The following API5 variants were observed in gnomAD, a reference collection of about 807,000 sequenced individuals.
The protein encoded by API5 is apoptosis inhibitor 5.
Under a neutral mutation model 71.9 loss-of-function variants are expected in API5, and 6 were observed. The observed-to-expected ratio is 0.08, with a 90% CI of 0.05 to 0.16. API5 has a LOEUF of 0.16. API5 is among the 10% of genes least tolerant of loss of function. The pLI is 1.00. For synonymous variants in API5, 189 were observed against 221.3 expected (o/e 0.85, Z 1.30); for missense variants, 332 against 612.8 (o/e 0.54, Z 4.84).
chr11:43,332,911 CTT>C (rs2134373144), intron 11 of API5, among the ~76,000 whole-genome samples: 1 of 152,258 alleles, frequency 6.6e-6, no homozygotes, highest in African/African-American at 2.4e-5. Flanking sequence ...TATCTAGAGA[CTT>C]TCCAAAAATC....
chr11:43,328,534 A>G (rs1487397781), intron 8 of API5, among the ~76,000 whole-genome samples, 178 bp from the exon 9 acceptor site: 2 of 152,234 alleles, frequency 1.3e-5, no homozygotes, highest in Non-Finnish European at 2.9e-5. Context: ...ACAGGTTAAT[A>G]TGGAGCGTTG....
In API5 at chr11:43,321,538, T is replaced by TA. The variant is rs1854890463; in HGVS notation, c.391+63dup. Reference sequence around the variant, plus strand: ...CTTACAGAATCACAAAGTTAGGTGTTACTCATTAAGAATAAACTCTAGGGT... The same window carrying TA: ...CTTACAGAATCACAAAGTTAGGTGTTAACTCATTAAGAATAAACTCTAGGGT... On this transcript the variant is annotated intron_variant, in intron 4 of 13. Coordinates refer to ENST00000531273, the MANE Select transcript of API5 (RefSeq NM_001142930.2). 4.6e-6 allele frequency: 6 copies of TA among 1,317,600 alleles called. No homozygotes were observed. The Admixed American group carries it at 9.9e-5, about 22-fold the overall frequency. 81.6% of individuals were successfully genotyped at this position (1,317,600 alleles called of 1,614,324 possible).
chr11:43,331,069 G>A (rs1855236012), intron 11 of API5, among the ~76,000 whole-genome samples: 1 of 152,166 alleles, frequency 6.6e-6, no homozygotes, highest in Non-Finnish European at 1.5e-5. Context: ...TAATTGTATT[G>A]TGCCAGATGG....
chr11:43,315,109 C>T (rs1854624597), intron 1 of API5, among the ~76,000 whole-genome samples: 1 of 152,134 alleles, frequency 6.6e-6, no homozygotes, highest in Admixed American at 6.5e-5. Flanking sequence ...TCAACCTTTA[C>T]CAGAGAGGTG....
At chr11:43,324,834 C>A (rs1855014714) in intron 6 of API5, among the ~76,000 whole-genome samples, 1 of 152,012 alleles carries the variant, frequency 6.6e-6, no homozygotes, top group African/African-American at 2.4e-5. Flanking sequence ...AGCACCACCA[C>A]ACCCAGCTGA....
intron 13 of API5, among the ~76,000 whole-genome samples, chr11:43,337,664 C>T (rs531095126): frequency 6.6e-6 from 1 of 152,128 alleles, no homozygotes; most frequent in South Asian, 2.1e-4. Context: ...AAGGATTCTC[C>T]GTTACTTGGT....
rs746443788 is a variant in API5 at position 43,327,870 on chromosome 11, A to G, written c.937A>G (p.Lys313Glu). 6.2e-7 allele frequency: 1 copy of G among 1,609,556 alleles called. No homozygotes were observed. The highest frequency in any genetic ancestry group is 1.7e-5 in the Admixed American group (1 of 59,832). The change falls in exon 8 of 14, where the codon AAG (lysine) becomes GAG (glutamate). Residue 313 changes from lysine to glutamate, a missense_variant. Around this residue, in one of 3 missense-constraint regions of API5, gnomAD observed 168 missense variants for 343.9 expected, o/e 0.49. Coordinates refer to ENST00000531273, the MANE Select transcript of API5 (RefSeq NM_001142930.2). ...LETNLRKLFDKLLEYMPLPPE... is the reference protein window; with the variant it reads ...LETNLRKLFDELLEYMPLPPE... ...AACAAATTTAAGGAAACTATTTGATAAGTTATTGGTAAGAACTTTTTCCTT... is the reference window on the plus strand; with the variant it reads ...AACAAATTTAAGGAAACTATTTGATGAGTTATTGGTAAGAACTTTTTCCTT...
At position 43,312,093 on chromosome 11, in the gene API5, G is replaced by A. The variant is rs750428791; in HGVS notation, c.-35G>A. 6.2e-7 allele frequency: 1 copy of A among 1,612,092 alleles called. No homozygotes were observed. ...CGGCGGTGGCGCCGGTCAGGACAAG[G>A]ATAGCGGAACCGGGCCCTGGGCTTG... On this transcript the variant is annotated 5_prime_UTR_variant, in exon 1 of 14. Coordinates refer to ENST00000531273, the MANE Select transcript of API5 (RefSeq NM_001142930.2).
chr11:43,328,916 C>A (rs1473665670), intron 9 of API5, 23 bp downstream of exon 9: 1 of 1,611,694 alleles, frequency 6.2e-7, no homozygotes, highest in Non-Finnish European at 8.5e-7. Flanking sequence ...TGAGGTGGCT[C>A]AATCCTTGGC....
chr11:43,323,361 C>G (rs1854958694), intron 5 of API5, 69 bp from the exon 6 acceptor site: 3 of 1,315,680 alleles, frequency 2.3e-6, no homozygotes, highest in Middle Eastern at 1.8e-4. Flanking sequence ...ATTAGCTATT[C>G]TCTTTCAGTG....
chr11:43,325,214 G>A (rs1016891737), intron 6 of API5, among the ~76,000 whole-genome samples: 1 of 152,156 alleles, frequency 6.6e-6, no homozygotes, highest in Admixed American at 6.5e-5. Context: ...AGAAGGGTCA[G>A]ACATCAGTTT....
rs768956427 is a variant in API5 at position 43,323,524 on chromosome 11, T to C, written c.638T>C (p.Leu213Pro). The change falls in exon 6 of 14, where the codon CTT becomes CCT. Residue 213 changes from leucine (L) to proline (P), a missense_variant. Leu to Pro is a moderately conservative substitution (Grantham distance 98, BLOSUM62 -3). This residue lies in a region of API5 where 37 missense variants were observed against 31.3 expected (regional missense o/e 1.18). Coordinates refer to ENST00000531273, the MANE Select transcript of API5 (RefSeq NM_001142930.2). ...SLQTVSGRQQ[L>P]VELVAEQADL... The stretch of plus-strand genomic sequence containing the variant: ...CAGACAGTGAGTGGAAGACAGCAAC[T>C]TGTAGAGTTGGTGGCTGAACAGGCC... 5 of 1,614,154 alleles carry C rather than the reference T, an allele frequency of 3.1e-6. No homozygotes were observed. Among genetic ancestry groups the C allele is most frequent in the Non-Finnish European group, 4.2e-6 (5 of 1,180,016 alleles).
chr11:43,335,711 T>C (rs1855410470), intron 12 of API5, 147 bp from the exon 13 acceptor site: 1 of 920,432 alleles, frequency 1.1e-6, no homozygotes, highest in Non-Finnish European at 1.6e-6. Context: ...ATAATTAATT[T>C]GATGACATCA....
chr11:43,328,928 A>G, intron 9 of API5, 35 bp downstream of exon 9: 1 of 1,608,884 alleles, frequency 6.2e-7, no homozygotes, highest in South Asian at 1.1e-5. Flanking sequence ...ATCCTTGGCA[A>G]AGGTGGTAGC....
intron 1 of API5, among the ~76,000 whole-genome samples, chr11:43,314,878 CAA>C (rs957070208): frequency 1.3e-5 from 2 of 152,266 alleles, no homozygotes; most frequent in African/African-American, 4.8e-5. Context: ...TTTTAACTAA[CAA>C]AGGCAAAAGC....
intron 13 of API5, among the ~76,000 whole-genome samples, chr11:43,341,453 G>A (rs1206483151): frequency 1.3e-5 from 2 of 152,186 alleles, no homozygotes; most frequent in African/African-American, 4.8e-5. Flanking sequence ...GGAAGGAACT[G>A]GAGGACTTTA....
intron 1 of API5, among the ~76,000 whole-genome samples, chr11:43,312,590 T>C (rs1360887649): frequency 1.3e-5 from 2 of 151,918 alleles, no homozygotes; most frequent in African/African-American, 4.8e-5. Flanking sequence ...TCAAGATGTG[T>C]TTTTTTTGGG....
intron 2 of API5, among the ~76,000 whole-genome samples, chr11:43,319,429 C>CT (rs1045076171): frequency 2.0e-5 from 3 of 152,066 alleles, no homozygotes; most frequent in African/African-American, 7.2e-5. Context: ...AAACCCTATA[C>CT]TTTTTTTGCT....
In API5 at chr11:43,335,913, G is replaced by T. The variant is rs762615418; in HGVS notation, c.1411G>T (p.Ala471Ser). ...TSGSPPKKSS[A>S]GPKRDARQIY... is the part of the protein sequence containing the mutation. ...AGGTTCACCACCCAAGAAATCTTCA[G>T]CAGGACCAAAAAGAGATGCCAGGCA... Residue 471 changes from alanine to serine, a missense_variant, in exon 13 of 14, where the codon GCA becomes TCA. Ala to Ser is a moderately conservative substitution (Grantham distance 99). Coordinates refer to ENST00000531273, the MANE Select transcript of API5 (RefSeq NM_001142930.2). 2.5e-6 allele frequency: 4 copies of T among 1,613,816 alleles called. No homozygotes were observed. Among genetic ancestry groups the T allele is most frequent in the Non-Finnish European group, 3.4e-6 (4 of 1,179,940 alleles).
Sources: gnomAD v4.1 joint callset for allele counts (sites outside exome capture counted in the v4.1 genomes callset) on GRCh38, gnomAD v4.1.1 for gene constraint, gnomAD v4.1.1 regional missense constraint, MANE v1.5 for transcripts, NCBI Gene and HGNC (gene_info 2026-07-23, HGNC 2026-07-21) for gene names.